Variants in DMXL1 observed in about 807,000 individuals in gnomAD.
DMXL1 encodes dmX-like protein 1.
DMXL1 carries 99 observed loss-of-function variants against 319.2 expected under a neutral mutation model. That is an observed-to-expected ratio of 0.31 (90% CI 0.26 to 0.37). The LOEUF (loss-of-function observed/expected upper bound fraction) is 0.37. Among genes scored for constraint, DMXL1 ranks in the 10% least tolerant of loss-of-function variants. The pLI is 1.00. For synonymous variants in DMXL1, 1,385 were observed against 1,235.2 expected (o/e 1.12, Z -2.54); for missense variants, 3,745 against 3,595.6 (o/e 1.04, Z -1.06).
intron 13 of DMXL1, among the ~76,000 whole-genome samples, chr5:119,138,335 A>G (rs1766501326): frequency 6.6e-6 from 1 of 152,236 alleles, no homozygotes; most frequent in Non-Finnish European, 1.5e-5. Flanking sequence ...AGAATGTAGA[A>G]GTAGCAGGTT....
In DMXL1 at chr5:119,118,816, G is replaced by T; in HGVS notation, c.745G>T (p.Ala249Ser). Reference sequence around the variant, plus strand: ...TTCTAAAATCTTTTCATTCCTTAGGGCTTCTGTATGTAATGTACTGTTGAC... The same window carrying T: ...TTCTAAAATCTTTTCATTCCTTAGGTCTTCTGTATGTAATGTACTGTTGAC... Reference protein sequence around the residue: ...WRKTSKYMPRASVCNVLLTCC... With the variant: ...WRKTSKYMPRSSVCNVLLTCC... Residue 249 changes from alanine (A) to serine (S), a missense_variant and splice_region_variant, in exon 8 of 44, where the codon GCT becomes TCT. Physicochemically the swap from Ala to Ser is moderately conservative, Grantham distance 99. Coordinates refer to ENST00000539542, the MANE Select transcript of DMXL1 (RefSeq NM_001290321.3). 1.3e-6 allele frequency: 2 copies of T among 1,591,594 alleles called. No individual in the cohort carries two copies. Among genetic ancestry groups the T allele is most frequent in the South Asian group, 1.2e-5 (1 of 85,818 alleles).
chr5:119,079,997 C>G (rs1469908252), intron 1 of DMXL1, among the ~76,000 whole-genome samples: 1 of 152,190 alleles, frequency 6.6e-6, no homozygotes, highest in East Asian at 1.9e-4. Context: ...AGATCCCTGT[C>G]TTTAGCTTCA....
At chr5:119,080,393 C>T (rs1232782061) in intron 1 of DMXL1, among the ~76,000 whole-genome samples, 1 of 152,042 alleles carries the variant, frequency 6.6e-6, no homozygotes, top group Non-Finnish European at 1.5e-5. Context: ...AGTCAACTCC[C>T]CTACCTTGGT....
At position 119,143,847 on chromosome 5, in the gene DMXL1, G is replaced by A; in HGVS notation, c.2383G>A (p.Val795Ile). ...ATTTTTTTAAAAAAAACAGAAATAT[G>A]TTGGTGAAGTCTTTAACATCGTCAG... ...ELSNPEISKY[V>I]GEVFNIVSQQ... Residue 795 changes from valine (V) to isoleucine (I), a missense_variant, in exon 14 of 44, where the codon GTT becomes ATT. By Grantham distance (29) the Val-to-Ile change is conservative. Around this residue, in one of 4 missense-constraint regions of DMXL1, gnomAD observed 2,096 missense variants for 1,985.4 expected, o/e 1.06. Transcript: ENST00000539542. The A allele has an allele frequency of 6.4e-7, 1 of 1,570,860 alleles. No individual in the cohort carries two copies. The highest frequency in any genetic ancestry group is 8.6e-7 in the Non-Finnish European group (1 of 1,159,890).
At chr5:119,172,776 C>G (rs1181820219) in intron 25 of DMXL1, among the ~76,000 whole-genome samples, 1 of 152,026 alleles carries the variant, frequency 6.6e-6, no homozygotes, top group East Asian at 1.9e-4. Context: ...TCTCATCCAC[C>G]TCACAGGTTG....
At chr5:119,090,060 G>A (rs1380262685) in intron 1 of DMXL1, among the ~76,000 whole-genome samples, 5 of 102,116 alleles carry the variant, frequency 4.9e-5, no homozygotes, top group Admixed American at 2.7e-4. Flanking sequence ...CGCTCTTGTC[G>A]CCCATGCTGG....
chr5:119,183,277 A>T (rs1172550367), intron 28 of DMXL1, among the ~76,000 whole-genome samples: 1 of 152,218 alleles, frequency 6.6e-6, no homozygotes, highest in African/African-American at 2.4e-5. Context: ...TGTCATTGCT[A>T]ACATTCCTTT....
chr5:119,146,834 C>T lies in DMXL1; in HGVS notation c.2570-3C>T. 1 of 1,609,360 alleles carries T rather than the reference C, an allele frequency of 6.2e-7. No homozygotes were observed. Among genetic ancestry groups the T allele is most frequent in the Non-Finnish European group, 8.5e-7 (1 of 1,177,908 alleles). ...CAGTGAAAAATATCATTAATACCAA[C>T]AGGCAGCTCACCTAATGGATTTTCT... On this transcript the variant is annotated splice_polypyrimidine_tract_variant and splice_region_variant and intron_variant, in intron 15 of 43. Transcript: ENST00000539542.
chr5:119,101,703 A>G (rs1335019562), intron 2 of DMXL1, among the ~76,000 whole-genome samples: 1 of 152,198 alleles, frequency 6.6e-6, no homozygotes, highest in East Asian at 1.9e-4. Context: ...TATTATGAAC[A>G]CTGTAATGGA....
At chr5:119,114,719 A>T (rs1357090283) in intron 6 of DMXL1, among the ~76,000 whole-genome samples, 178 bp downstream of exon 6, 1 of 152,170 alleles carries the variant, frequency 6.6e-6, no homozygotes, top group East Asian at 1.9e-4. Context: ...TCCAGACTGG[A>T]GTGCAGTGGC....
chr5:119,159,040 A>C (rs974721891), intron 19 of DMXL1, among the ~76,000 whole-genome samples: 3 of 152,168 alleles, frequency 2.0e-5, no homozygotes, highest in Non-Finnish European at 4.4e-5. Flanking sequence ...GAGTTCAAGA[A>C]GGATTGGTGT....
rs138845349 is a variant in DMXL1 at position 119,071,605 on chromosome 5, C to T, written c.36C>T (p.Asn12=). Residue 12 remains asparagine (N), a synonymous_variant, in exon 1 of 44, where the codon AAC becomes AAT. Transcript: ENST00000539542. ...NLHQVLTGAV[N]PGDHCFSVGS... is the part of the protein sequence containing the mutation. Reference sequence around the variant, plus strand: ...ACCAGGTGCTGACCGGGGCTGTGAACCCTGGCGACCACTGCTTCTCCGTGG... The same window carrying T: ...ACCAGGTGCTGACCGGGGCTGTGAATCCTGGCGACCACTGCTTCTCCGTGG... 8.5e-4 allele frequency: 1,367 copies of T among 1,605,250 alleles called. 10 individuals are homozygous for T. In the African/African-American group the frequency reaches 0.013, roughly 15 times the overall value.
At chr5:119,150,543 C>G (rs1372874283) in intron 18 of DMXL1, 122 bp downstream of exon 18, 4 of 1,085,314 alleles carry the variant, frequency 3.7e-6, no homozygotes, top group Non-Finnish European at 5.1e-6. Context: ...AAATTCAGCT[C>G]TTTGGGAGGC....
At chr5:119,192,413 T>C (rs1295409958) in intron 29 of DMXL1, among the ~76,000 whole-genome samples, 3 of 152,206 alleles carry the variant, frequency 2.0e-5, no homozygotes, top group Non-Finnish European at 2.9e-5. Context: ...AAACCCCTGC[T>C]TTGACCCTGA....
At position 119,170,905 on chromosome 5, in the gene DMXL1, A is replaced by G. The variant is rs762885432; in HGVS notation, c.6114A>G (p.Thr2038=). The stretch of plus-strand genomic sequence containing the variant: ...TTAGAGCATGTTTAAAGATTCTCAC[A>G]GTAGAACTTCGTACTTTATCTACTG... ...LKFRACLKIL[T]VELRTLSTGY... Residue 2038 remains threonine, a synonymous_variant, in exon 24 of 44, where the codon ACA becomes ACG. Transcript: ENST00000539542. 32 of 1,613,378 alleles carry G rather than the reference A, an allele frequency of 2.0e-5. No individual in the cohort carries two copies. The highest frequency in any genetic ancestry group is 2.5e-5 in the Non-Finnish European group (30 of 1,179,842).
At chr5:119,101,749 G>A (rs542488415) in intron 2 of DMXL1, among the ~76,000 whole-genome samples, 186 bp from the exon 3 acceptor site, 3 of 152,126 alleles carry the variant, frequency 2.0e-5, no homozygotes, top group African/African-American at 4.8e-5. Context: ...GCTAGTTAAC[G>A]TAGTAAGTTG....
intron 33 of DMXL1, among the ~76,000 whole-genome samples, chr5:119,204,862 G>A (rs1781480987): frequency 6.6e-6 from 1 of 152,104 alleles, no homozygotes; most frequent in African/African-American, 2.4e-5. Flanking sequence ...TAAATTGAAT[G>A]GCTTCACAAT....
Position 119,167,717 on chromosome 5 carries a change from G to A in DMXL1, c.5251G>A (p.Gly1751Arg). The A allele has an allele frequency of 6.2e-7, 1 of 1,613,482 alleles. No individual in the cohort carries two copies. The highest frequency in any genetic ancestry group is 1.7e-4 in the Middle Eastern group (1 of 6,054). ...YKSILRKKVL[G>R]IDSPVSELCS... ...ATCTATTTTACGTAAAAAAGTTTTG[G>A]GAATCGATTCTCCTGTCAGTGAACT... Residue 1751 changes from glycine (G) to arginine (R), a missense_variant, in exon 23 of 44, where the codon GGA (glycine) becomes AGA (arginine). Around this residue, in one of 4 missense-constraint regions of DMXL1, gnomAD observed 1,382 missense variants for 1,269.5 expected, o/e 1.09. Coordinates refer to ENST00000539542, the MANE Select transcript of DMXL1 (RefSeq NM_001290321.3).
At position 119,206,868 on chromosome 5, in the gene DMXL1, C is replaced by G; in HGVS notation, c.7898C>G (p.Ser2633Cys). ...GACAACAGTGAAACCATCAAAAATT[C>G]TATGATGGAGGAGCCAAACATCAAT... ...LEDNSETIKN[S>C]MMEEPNINKI... The change falls in exon 34 of 44, where the codon TCT becomes TGT. Residue 2633 changes from serine (S) to cysteine (C), a missense_variant. Transcript: ENST00000539542. 2 of 1,528,856 alleles carry G rather than the reference C, an allele frequency of 1.3e-6. No homozygotes were observed. The highest frequency in any genetic ancestry group is 1.2e-5 in the South Asian group (1 of 83,394). 94.7% of individuals were successfully genotyped at this position (1,528,856 alleles called of 1,614,324 possible).
Sources: gnomAD v4.1 joint callset for allele counts (sites outside exome capture counted in the v4.1 genomes callset) on GRCh38, gnomAD v4.1.1 for gene constraint, gnomAD v4.1.1 regional missense constraint, MANE v1.5 for transcripts, NCBI Gene and HGNC (gene_info 2026-07-23, HGNC 2026-07-21) for gene names.